The following TTLL6 variants were observed in gnomAD, a reference collection of about 807,000 sequenced individuals.
The protein encoded by TTLL6 is tubulin tyrosine ligase like 6, also known as tubulin polyglutamylase TTLL6.
A neutral mutation model predicts 96.4 loss-of-function variants in TTLL6; 75 were observed. The ratio of observed to expected loss-of-function variants is 0.78; its 90% CI spans 0.65 to 0.94. The LOEUF is 0.94. TTLL6 is among the 40% of genes least tolerant of loss of function. The pLI is 0.00. For synonymous variants in TTLL6, 411 were observed against 419.4 expected, an observed-to-expected ratio of 0.98 and a Z score of 0.24; for missense variants, 1,030 against 1,093.0, an observed-to-expected ratio of 0.94 and a Z score of 0.81.
At position 48,791,420 on chromosome 17, in the gene TTLL6, A is replaced by G. The variant is rs1567726980; in HGVS notation, c.1182T>C (p.Phe394=). The G allele has an allele frequency of 6.2e-7, 1 of 1,614,190 alleles. No homozygotes were observed. Among genetic ancestry groups the G allele is most frequent in the Non-Finnish European group, 8.5e-7 (1 of 1,180,036 alleles). ...TGAGTTTGTGGTCCAACAAAATGTC[A>G]AAGCCCAGGATCTCAAAGCAGGCGC... ...LNSACFEILG[F]DILLDHKLKP... is the part of the protein sequence containing the mutation. Residue 394 remains phenylalanine, a synonymous_variant, in exon 9 of 16, where the codon TTT becomes TTC. Coordinates refer to ENST00000393382, the MANE Select transcript of TTLL6 (RefSeq NM_001130918.3).
chr17:48,791,766 T>C (rs1020036718), intron 8 of TTLL6, among the ~76,000 whole-genome samples, 163 bp from the exon 9 acceptor site: 1 of 152,046 alleles, frequency 6.6e-6, no homozygotes, highest in African/African-American at 2.4e-5. Context: ...CGGTGCCAGA[T>C]GAGGTCCCAG....
chr17:48,811,074 T>C (rs561051264), intron 1 of TTLL6, among the ~76,000 whole-genome samples: 42 of 142,666 alleles, frequency 2.9e-4, no homozygotes, highest in African/African-American at 1.0e-3. Flanking sequence ...TTTTCTTTTT[T>C]TTTTTTTTTT....
intron 13 of TTLL6, among the ~76,000 whole-genome samples, chr17:48,770,948 AC>A (rs2038731235): frequency 6.6e-6 from 1 of 151,964 alleles, no homozygotes; most frequent in African/African-American, 2.4e-5. Context: ...AAAAAAAACA[AC>A]CAAACAAACA....
intron 13 of TTLL6, among the ~76,000 whole-genome samples, chr17:48,774,108 A>AAAAAAAAAC (rs2038814796): frequency 5.4e-5 from 7 of 130,538 alleles, no homozygotes; most frequent in Admixed American, 8.8e-5. Context: ...AAAAAAAAAA[A>AAAAAAAAAC]AAAACAAGAA....
At chr17:48,779,394 A>T (rs2038946274) in intron 13 of TTLL6, among the ~76,000 whole-genome samples, 1 of 151,412 alleles carries the variant, frequency 6.6e-6, no homozygotes, top group Non-Finnish European at 1.5e-5. Flanking sequence ...ATAACGCCAA[A>T]ACGTTGACAA....
chr17:48,798,142 C>T (rs1451326059), intron 6 of TTLL6, among the ~76,000 whole-genome samples: 1 of 151,942 alleles, frequency 6.6e-6, no homozygotes, highest in Non-Finnish European at 1.5e-5. Flanking sequence ...CTTTGATAGG[C>T]CAGGTGCAGT....
intron 6 of TTLL6, among the ~76,000 whole-genome samples, chr17:48,798,293 A>G (rs2039354436): frequency 6.6e-6 from 1 of 152,098 alleles, no homozygotes. Context: ...TAGTCTGGGC[A>G]CAAGGGTTCA....
At chr17:48,807,316 C>T (rs2143474410) in intron 1 of TTLL6, among the ~76,000 whole-genome samples, 1 of 151,910 alleles carries the variant, frequency 6.6e-6, no homozygotes, top group African/African-American at 2.4e-5. Context: ...GTCTCAAACT[C>T]CCAACCTCAG....
At chr17:48,786,670 G>A (rs1174138382) in intron 11 of TTLL6, among the ~76,000 whole-genome samples, 1 of 152,192 alleles carries the variant, frequency 6.6e-6, no homozygotes, top group Non-Finnish European at 1.5e-5. Flanking sequence ...GAGGGTCTGG[G>A]TAGGAGGCTA....
intron 12 of TTLL6, 130 bp from the exon 13 acceptor site, chr17:48,785,331 T>A: frequency 7.4e-7 from 1 of 1,346,716 alleles, no homozygotes; most frequent in Non-Finnish European, 1.0e-6. Context: ...AAAGTCTCTC[T>A]AATGTGGGGC....
chr17:48,772,495 G>T (rs557315695), intron 13 of TTLL6, among the ~76,000 whole-genome samples: 33 of 152,094 alleles, frequency 2.2e-4, no homozygotes, highest in Admixed American at 4.6e-4. Flanking sequence ...ACTTTGGGAG[G>T]CCGAGGTGGG....
chr17:48,780,805 T>C (rs1252271179), intron 13 of TTLL6, among the ~76,000 whole-genome samples: 1 of 152,210 alleles, frequency 6.6e-6, no homozygotes, highest in Non-Finnish European at 1.5e-5. Context: ...AGTCCTGTTG[T>C]AGCATTTGAC....
intron 8 of TTLL6, 68 bp downstream of exon 8, chr17:48,795,993 G>T: frequency 7.6e-7 from 1 of 1,316,136 alleles, no homozygotes; most frequent in South Asian, 1.3e-5. Context: ...ACAGGGTTTG[G>T]GTAGAATCCC....
intron 3 of TTLL6, among the ~76,000 whole-genome samples, chr17:48,802,082 GAAAGAAAGAAAGAAAGAAA>G (rs1223702209): frequency 0.07 from 105 of 1,510 alleles, no homozygotes; most frequent in African/African-American, 0.14. Context: ...GAAAGAAAAA[GAAAGAAAGAAAGAAAGAAA>G]GAAAGAAAGA....
rs1186153030 is a variant in TTLL6 at position 48,797,689 on chromosome 17, A to C, written c.769-485T>G. ...GTAATCCCAGCTACTCAGGAGGCTG[A>C]GGCAGGAGAATCACTTGAGCCCCGG... On this transcript the variant is annotated intron_variant, in intron 6 of 15. Coordinates refer to ENST00000393382, the MANE Select transcript of TTLL6 (RefSeq NM_001130918.3). 3.3e-5 allele frequency among the ~76,000 whole-genome samples: 5 copies of C among 149,650 alleles called. No individual in the cohort carries two copies. The Admixed American group carries it at 3.4e-4, about 10-fold the overall frequency.
chr17:48,774,108 A>AAAAAAAAAAAAAAAAAAAAAAAAAC (rs2038814796), intron 13 of TTLL6, among the ~76,000 whole-genome samples: 8 of 130,482 alleles, frequency 6.1e-5, no homozygotes, highest in African/African-American at 8.8e-5. Flanking sequence ...AAAAAAAAAA[A>AAAAAAAAAAAAAAAAAAAAAAAAAC]AAAACAAGAA....
rs760334995 is a variant in TTLL6 at position 48,786,188 on chromosome 17, C to T, written c.1737G>A (p.Lys579=). 3 of 1,614,116 alleles carry T rather than the reference C, an allele frequency of 1.9e-6. No homozygotes were observed. The African/African-American group carries it at 4.0e-5, about 22-fold the overall frequency. Reference sequence around the variant, plus strand: ...CCTGTTTGGAGGCTTGGGTGGCGGCCTTGTCTTTCTGCTGTTGTTTCTGTT... The same window carrying T: ...CCTGTTTGGAGGCTTGGGTGGCGGCTTTGTCTTTCTGCTGTTGTTTCTGTT... ...GWQQKQQQKD[K]AATQASKQYI... Residue 579 remains lysine (K), a synonymous_variant, in exon 12 of 16, where the codon AAG becomes AAA. Transcript: ENST00000393382.
At chr17:48,768,102 CT>C (rs565545578) in intron 15 of TTLL6, among the ~76,000 whole-genome samples, 14 of 148,044 alleles carry the variant, frequency 9.5e-5, no homozygotes, top group East Asian at 7.9e-4. Context: ...AAGGGGGTCA[CT>C]TTTTTTTTTG....
intron 1 of TTLL6, among the ~76,000 whole-genome samples, chr17:48,816,254 G>A (rs2039665561): frequency 6.6e-6 from 1 of 151,808 alleles, no homozygotes; most frequent in Non-Finnish European, 1.5e-5. Context: ...ACCAGCCTGG[G>A]CAAAAAAGTG....
Sources: allele counts gnomAD v4.1 joint callset (sites outside exome capture counted in the v4.1 genomes callset), GRCh38; gene constraint gnomAD v4.1.1; transcripts MANE v1.5; gene names NCBI Gene and HGNC (gene_info 2026-07-23, HGNC 2026-07-21).